Variants in LRRC36 observed in about 807,000 individuals in gnomAD.
LRRC36 encodes leucine rich repeat containing 36, also known as leucine-rich repeat-containing protein 36.
In LRRC36, 62 loss-of-function variants were observed where a neutral mutation model predicts 81.1. The observed-to-expected ratio is 0.76, with a 90% CI of 0.62 to 0.94. LRRC36 has a LOEUF of 0.94. LRRC36 is among the 40% of genes least tolerant of loss of function. The probability of loss-of-function intolerance (pLI) is 0.00; values close to 1 mark genes in which losing one functional copy is unlikely to be tolerated. For missense variants in LRRC36, 761 were observed against 881.7 expected, an observed-to-expected ratio of 0.86 and a Z score of 1.73; for synonymous variants, 334 against 348.6, an observed-to-expected ratio of 0.96 and a Z score of 0.47.
intron 9 of LRRC36, among the ~76,000 whole-genome samples, chr16:67,372,364 A>T (rs934627750): frequency 7.9e-5 from 12 of 152,086 alleles, no homozygotes; most frequent in East Asian, 1.9e-4. Flanking sequence ...CTCCAAAAAA[A>T]AAAAAATAAA....
intron 13 of LRRC36, 68 bp downstream of exon 13, chr16:67,382,315 C>T: frequency 1.7e-6 from 2 of 1,163,874 alleles, no homozygotes; most frequent in South Asian, 2.8e-5. Context: ...CTTTGTTTTG[C>T]TTGGAAAGTT....
chr16:67,361,068 C>T (rs1318294645), intron 5 of LRRC36, among the ~76,000 whole-genome samples: 1 of 152,176 alleles, frequency 6.6e-6, no homozygotes, highest in East Asian at 1.9e-4. Context: ...ATTCTTGTCT[C>T]ACTCCTGTTA....
intron 8 of LRRC36, 142 bp downstream of exon 8, chr16:67,367,599 C>A: frequency 1.4e-6 from 1 of 718,248 alleles, no homozygotes. Flanking sequence ...GTTCTTGGAA[C>A]CTCGAGAAAT....
intron 10 of LRRC36, 54 bp downstream of exon 10, chr16:67,375,466 T>G (rs2039855556): frequency 1.4e-6 from 2 of 1,475,916 alleles, no homozygotes; most frequent in Admixed American, 4.7e-5. Flanking sequence ...TCCTCTGCTC[T>G]GTGTTCTGCT....
Position 67,378,650 on chromosome 16 carries a change from T to C in LRRC36, c.1868T>C (p.Ile623Thr), listed in dbSNP as rs753967980. 1 of 1,613,990 alleles carries C rather than the reference T, an allele frequency of 6.2e-7. No homozygotes were observed. The highest frequency in any genetic ancestry group is 8.5e-7 in the Non-Finnish European group (1 of 1,180,000). ...LEENLILSEKIQQLEEGAAIS... is the reference protein window; with the variant it reads ...LEENLILSEKTQQLEEGAAIS... ...GAAAACCTCATTTTGTCAGAAAAAA[T>C]TCAACAGTTGGAGGAAGGTGCTGCC... is the stretch of plus-strand genomic sequence containing the variant. The change falls in exon 12 of 14, where the codon ATT becomes ACT. Residue 623 changes from isoleucine to threonine, a missense_variant. Physicochemically the swap from Ile to Thr is moderately conservative, Grantham distance 89 (BLOSUM62 -1). This residue lies in a region of LRRC36 where 359 missense variants were observed against 388.4 expected (regional missense o/e 0.92). Coordinates refer to ENST00000329956, the MANE Select transcript of LRRC36 (RefSeq NM_018296.6).
chr16:67,366,784 T>C (rs2039415453), intron 7 of LRRC36, among the ~76,000 whole-genome samples: 1 of 151,704 alleles, frequency 6.6e-6, no homozygotes, highest in South Asian at 2.1e-4. Flanking sequence ...GTCTCCAGAA[T>C]GTTATAGATT....
chr16:67,348,662 C>T (rs187111874), intron 4 of LRRC36: 1 of 152,206 alleles, frequency 6.6e-6, no homozygotes, highest in East Asian at 1.9e-4. Context: ...AACATATCCC[C>T]ACAACATTAT....
Position 67,367,399 on chromosome 16 carries a change from A to T in LRRC36, c.1137A>T (p.Leu379Phe). The change falls in exon 8 of 14, where the codon TTA becomes TTT. Residue 379 changes from leucine (L) to phenylalanine (F), a missense_variant. Coordinates refer to ENST00000329956, the MANE Select transcript of LRRC36 (RefSeq NM_018296.6). ...KTTASHSCGD[L>F]LTSLSNPDSS... ...CCGCTTCACATTCCTGTGGAGACTT[A>T]TTAACTTCTCTGTCAAACCCTGACT... 6.2e-7 allele frequency: 1 copy of T among 1,614,078 alleles called. No homozygotes were observed. The highest frequency in any genetic ancestry group is 8.5e-7 in the Non-Finnish European group (1 of 1,179,922).
chr16:67,346,424 A>G lies in LRRC36; in HGVS notation c.367A>G (p.Thr123Ala). The change falls in exon 3 of 14, where the codon ACA becomes GCA. Residue 123 changes from threonine to alanine, a missense_variant. This residue lies in a region of LRRC36 where 263 missense variants were observed against 279.3 expected (regional missense o/e 0.94). Coordinates refer to ENST00000329956, the MANE Select transcript of LRRC36 (RefSeq NM_018296.6). Reference protein sequence around the residue: ...DTDYRLFAVYTLQTLEKLDDR... With the variant: ...DTDYRLFAVYALQTLEKLDDR... ...AGATTATAGGCTCTTTGCTGTATAT[A>G]CACTACAAACTCTGGAGAAATTAGG... 2 of 1,596,570 alleles carry G rather than the reference A, an allele frequency of 1.3e-6. No individual in the cohort carries two copies. Among genetic ancestry groups the G allele is most frequent in the Non-Finnish European group, 1.7e-6 (2 of 1,169,052 alleles).
intron 2 of LRRC36, among the ~76,000 whole-genome samples, chr16:67,345,846 C>G (rs576216310): frequency 1.3e-5 from 2 of 151,478 alleles, no homozygotes; most frequent in Admixed American, 6.6e-5. Context: ...CTCCCTTCTT[C>G]TTGTAAATTA....
chr16:67,329,277 GT>G (rs1330586720), intron 1 of LRRC36, among the ~76,000 whole-genome samples: 3 of 151,938 alleles, frequency 2.0e-5, no homozygotes, highest in African/African-American at 7.3e-5. Context: ...AAATTTAACA[GT>G]AATTTCTTTT....
At chr16:67,329,208 C>T (rs987182951) in intron 1 of LRRC36, among the ~76,000 whole-genome samples, 1 of 152,000 alleles carries the variant, frequency 6.6e-6, no homozygotes, top group Non-Finnish European at 1.5e-5. Context: ...AGCACCTGGC[C>T]AGTATGTATT....
At chr16:67,366,945 A>C (rs2039423099) in intron 7 of LRRC36, 72 bp from the exon 8 acceptor site, 1 of 1,194,256 alleles carries the variant, frequency 8.4e-7, no homozygotes, top group Admixed American at 2.2e-5. Flanking sequence ...ATGTTCAGTG[A>C]ACAGAGGTAC....
chr16:67,350,992 C>G (rs948125180), intron 5 of LRRC36, among the ~76,000 whole-genome samples: 3 of 152,104 alleles, frequency 2.0e-5, no homozygotes, highest in African/African-American at 7.2e-5. Context: ...GAGCCGAGAT[C>G]ACGCCATTGC....
At position 67,376,805 on chromosome 16, in the gene LRRC36, C is replaced by T. The variant is rs528698800; in HGVS notation, c.1739C>T (p.Thr580Met). 318 of 1,613,906 alleles carry T rather than the reference C, an allele frequency of 2.0e-4. 6 individuals carry two copies. The South Asian group carries it at 3.3e-3, about 17-fold the overall frequency. Reference sequence around the variant, plus strand: ...AGGTGTTGCTCACATCCTGAAGACACGATGAAAGCATTCTGCAGGAGGGAG... The same window carrying T: ...AGGTGTTGCTCACATCCTGAAGACATGATGAAAGCATTCTGCAGGAGGGAG... ...QPRCCSHPED[T>M]MKAFCRRELE... Residue 580 changes from threonine to methionine, a missense_variant, in exon 11 of 14, where the codon ACG (threonine) becomes ATG (methionine). By Grantham distance (81) the Thr-to-Met change is moderately conservative (BLOSUM62 -1). Transcript: ENST00000329956.
At position 67,382,030 on chromosome 16, in the gene LRRC36, A is replaced by G; in HGVS notation, c.1931-103A>G. On this transcript the variant is annotated intron_variant, in intron 12 of 13. Coordinates refer to ENST00000329956, the MANE Select transcript of LRRC36 (RefSeq NM_018296.6). ...GCAATGGAGTGTGAAGTTGGGTGCC[A>G]TGGGGCCCCCAGTTCTCAAGATGTC... is the stretch of plus-strand genomic sequence containing the variant. 4.1e-6 allele frequency: 3 copies of G among 735,312 alleles called. No individual in the cohort carries two copies. The South Asian group carries it at 5.2e-5, about 13-fold the overall frequency. 45.5% of individuals were successfully genotyped at this position (735,312 alleles called of 1,614,324 possible).
At chr16:67,338,371 T>C (rs2037863016) in intron 1 of LRRC36, among the ~76,000 whole-genome samples, 1 of 152,178 alleles carries the variant, frequency 6.6e-6, no homozygotes, top group African/African-American at 2.4e-5. Flanking sequence ...CCTGCTTCTG[T>C]ATTTAATTTG....
chr16:67,375,518 T>C, intron 10 of LRRC36, 106 bp downstream of exon 10: 1 of 894,726 alleles, frequency 1.1e-6, no homozygotes, highest in Non-Finnish European at 1.6e-6. Context: ...AAAGTTGTTC[T>C]CATGATCACA....
At chr16:67,367,605 G>A in intron 8 of LRRC36, 148 bp downstream of exon 8, 1 of 687,442 alleles carries the variant, frequency 1.5e-6, no homozygotes, top group African/African-American at 1.8e-5. Context: ...GGAACCTCGA[G>A]AAATCTGTAG....
Sources: allele counts gnomAD v4.1 joint callset (sites outside exome capture counted in the v4.1 genomes callset), GRCh38; gene constraint gnomAD v4.1.1; regional missense constraint gnomAD v4.1.1; transcripts MANE v1.5; gene names NCBI Gene and HGNC (gene_info 2026-07-23, HGNC 2026-07-21).